GABRA4: variants seen among roughly 807,000 people sequenced by gnomAD.
The protein encoded by GABRA4 is gamma-aminobutyric acid receptor subunit alpha-4.
Under a neutral mutation model 49.7 loss-of-function variants are expected in GABRA4, and 12 were observed. The ratio of observed to expected loss-of-function variants is 0.24; its 90% CI spans 0.15 to 0.39. The LOEUF (loss-of-function observed/expected upper bound fraction) is 0.39, where lower values mean the gene tolerates loss of function less well. Ranked by LOEUF, GABRA4 falls within the 10% of genes least tolerant of loss-of-function variation. The pLI, the probability that GABRA4 is intolerant of heterozygous loss-of-function variation, is 1.00. For missense variants in GABRA4, 506 were observed against 686.0 expected (o/e 0.74, Z 2.93); for synonymous variants, 288 against 240.2 (o/e 1.20, Z -1.84).
intron 8 of GABRA4, among the ~76,000 whole-genome samples, chr4:46,950,828 C>A (rs1183177747): frequency 6.6e-6 from 1 of 151,964 alleles, no homozygotes; most frequent in African/African-American, 2.4e-5. Context: ...CGTTTTTACT[C>A]CTTCAAAGCA....
intron 6 of GABRA4, among the ~76,000 whole-genome samples, chr4:46,972,835 C>T (rs553124205): frequency 2.6e-5 from 4 of 151,710 alleles, no homozygotes; most frequent in Non-Finnish European, 5.9e-5. Context: ...ATCATCCCTT[C>T]ACAACACTGC....
At chr4:46,931,617 T>C (rs542979092) in intron 8 of GABRA4, among the ~76,000 whole-genome samples, 2 of 152,186 alleles carry the variant, frequency 1.3e-5, no homozygotes, top group East Asian at 3.9e-4. Context: ...AGAGTTGGAG[T>C]CTATTTTTCC....
intron 8 of GABRA4, among the ~76,000 whole-genome samples, chr4:46,956,776 A>T (rs1246443862): frequency 6.6e-6 from 1 of 152,164 alleles, no homozygotes; most frequent in Non-Finnish European, 1.5e-5. Flanking sequence ...CTGGGGAAAA[A>T]TATATTACTT....
At chr4:46,969,601 T>C (rs1212501692) in intron 7 of GABRA4, among the ~76,000 whole-genome samples, 1 of 151,522 alleles carries the variant, frequency 6.6e-6, no homozygotes, top group East Asian at 1.9e-4. Context: ...CTATCTTCCT[T>C]AGATAAGAGA....
At chr4:46,956,211 A>C (rs1722355275) in intron 8 of GABRA4, among the ~76,000 whole-genome samples, 1 of 152,080 alleles carries the variant, frequency 6.6e-6, no homozygotes, top group Non-Finnish European at 1.5e-5. Flanking sequence ...TTATTTATAT[A>C]AAATTTAAAG....
rs180950691 is a variant in GABRA4, at chr4:46,948,918, T to C, written c.1134+16052A>G. On this transcript the variant is annotated intron_variant, in intron 8 of 8. Transcript: ENST00000264318. ...TACTTGCTTCAGCCCCAAATTTTACTCCTTTCCATATATTTTCTTTTCCTA... is the reference window on the plus strand; with the variant it reads ...TACTTGCTTCAGCCCCAAATTTTACCCCTTTCCATATATTTTCTTTTCCTA... Among the ~76,000 whole-genome samples the C allele has an allele frequency of 2.6e-5, 4 of 152,236 alleles. No individual in the cohort carries two copies. In the East Asian group the frequency reaches 7.7e-4, roughly 29 times the overall value.
chr4:46,942,932 A>G (rs1403198348), intron 8 of GABRA4, among the ~76,000 whole-genome samples: 2 of 152,056 alleles, frequency 1.3e-5, no homozygotes, highest in Non-Finnish European at 2.9e-5. Context: ...AATTTTTTCT[A>G]ACATCTAGAC....
chr4:46,962,541 T>A (rs1229914208), intron 8 of GABRA4, among the ~76,000 whole-genome samples: 1 of 151,782 alleles, frequency 6.6e-6, no homozygotes, highest in African/African-American at 2.4e-5. Context: ...CCAAAAGCAA[T>A]CTACAGGTTC....
intron 6 of GABRA4, among the ~76,000 whole-genome samples, chr4:46,971,962 G>A (rs1234207218): frequency 6.6e-6 from 1 of 150,824 alleles, no homozygotes; most frequent in Non-Finnish European, 1.5e-5. Flanking sequence ...CTGTTGATAA[G>A]TGTTTTTACT....
At position 46,976,830 on chromosome 4, in the gene GABRA4, G is replaced by A. The variant is rs145664510; in HGVS notation, c.577+231C>T. On this transcript the variant is annotated intron_variant, in intron 5 of 8. Transcript: ENST00000264318. Reference sequence around the variant, plus strand: ...CTGATCACCAGCCAATTGTGACTAAGACTACTTAGATTATCTGTATAAATA... The same window carrying A: ...CTGATCACCAGCCAATTGTGACTAAAACTACTTAGATTATCTGTATAAATA... Among the ~76,000 whole-genome samples the A allele has an allele frequency of 5.0e-3, 762 of 151,974 alleles. 3 individuals are homozygous for A. The highest frequency in any genetic ancestry group is 0.017 in the African/African-American group (706 of 41,500).
In GABRA4 at chr4:46,928,623, C is replaced by T; in HGVS notation, c.1267G>A (p.Gly423Ser). 1 of 1,613,678 alleles carries T rather than the reference C, an allele frequency of 6.2e-7. No homozygotes were observed. Among genetic ancestry groups the T allele is most frequent in the Non-Finnish European group, 8.5e-7 (1 of 1,179,764 alleles). ...GAAGCTAAGTAAGACCGAGGTGTGCCTTTAGAAGATTCTTGAACAACTGTG... is the reference window on the plus strand; with the variant it reads ...GAAGCTAAGTAAGACCGAGGTGTGCTTTTAGAAGATTCTTGAACAACTGTG... The part of the protein sequence containing the change: ...SSTVVQESSK[G>S]TPRSYLASSP... The change falls in exon 9 of 9, where the codon GGC becomes AGC. Residue 423 changes from glycine (G) to serine (S), a missense_variant. Physicochemically the swap from Gly to Ser is moderately conservative, Grantham distance 56. Transcript: ENST00000264318.
At chr4:46,941,856 G>C (rs143245362) in intron 8 of GABRA4, among the ~76,000 whole-genome samples, 2 of 152,076 alleles carry the variant, frequency 1.3e-5, no homozygotes, top group Non-Finnish European at 2.9e-5. Flanking sequence ...GGTTTAAAAG[G>C]CTTAAAAGGT....
At position 46,944,468 on chromosome 4, in the gene GABRA4, G is replaced by A. The variant is rs1451336337; in HGVS notation, c.1135-15713C>T. ...TCTTTTCCTTCTCACTTCCCTCACAGTGCTTCTTGAGAACACCTTAAAAAT... is the reference window on the plus strand; with the variant it reads ...TCTTTTCCTTCTCACTTCCCTCACAATGCTTCTTGAGAACACCTTAAAAAT... On this transcript the variant is annotated intron_variant, in intron 8 of 8. Coordinates refer to ENST00000264318, the MANE Select transcript of GABRA4 (RefSeq NM_000809.4). Among the ~76,000 whole-genome samples the A allele has an allele frequency of 4.6e-5, 7 of 152,110 alleles. No homozygotes were observed. The East Asian group carries it at 1.4e-3, about 30-fold the overall frequency.
At chr4:46,971,057 A>C in intron 7 of GABRA4, 26 bp downstream of exon 7, 1 of 1,593,362 alleles carries the variant, frequency 6.3e-7, no homozygotes. Flanking sequence ...GTGAACAAAA[A>C]CGCCCAAGAA....
In GABRA4 at chr4:46,928,464, G is replaced by A. The variant is rs753789948; in HGVS notation, c.1426C>T (p.Arg476Cys). 7 of 1,613,566 alleles carry A rather than the reference G, an allele frequency of 4.3e-6. No homozygotes were observed. Among genetic ancestry groups the A allele is most frequent in the South Asian group, 2.2e-5 (2 of 91,084 alleles). Residue 476 changes from arginine to cysteine, a missense_variant, in exon 9 of 9, where the codon CGT becomes TGT. Physicochemically the swap from Arg to Cys is radical, Grantham distance 180. Around this residue, in one of 5 missense-constraint regions of GABRA4, gnomAD observed 243 missense variants for 210.8 expected, o/e 1.15. Transcript: ENST00000264318. The part of the protein sequence containing the change: ...RKASVGSAST[R>C]HVFGSRLQRI... The stretch of plus-strand genomic sequence containing the variant: ...TGCAGTCTTGATCCAAACACGTGAC[G>A]AGTAGAAGCAGATCCAACTGAAGCC...
At chr4:46,942,541 C>T (rs918101811) in intron 8 of GABRA4, among the ~76,000 whole-genome samples, 1 of 151,088 alleles carries the variant, frequency 6.6e-6, no homozygotes, top group African/African-American at 2.4e-5. Context: ...ATGAGAATTG[C>T]TTGAACGCGG....
chr4:46,928,763 G>C lies in GABRA4; in HGVS notation c.1135-8C>G. On this transcript the variant is annotated splice_polypyrimidine_tract_variant and splice_region_variant and intron_variant, in intron 8 of 8. Transcript: ENST00000264318. ...CAAATTGGCATTTGTATTCTGAAAA[G>C]GTATATGAAAAAATATATTGGTTAT... 6.3e-7 allele frequency: 1 copy of C among 1,577,898 alleles called. No individual in the cohort carries two copies. The highest frequency in any genetic ancestry group is 8.7e-7 in the Non-Finnish European group (1 of 1,155,074).
intron 2 of GABRA4, among the ~76,000 whole-genome samples, chr4:46,986,044 G>A (rs964876056): frequency 4.0e-5 from 6 of 151,588 alleles, no homozygotes; most frequent in Non-Finnish European, 7.4e-5. Flanking sequence ...ATCTATCAAC[G>A]GTACCTCTGA....
rs905748349 is a variant in GABRA4 at position 46,922,982 on chromosome 4, C to G, written c.*5243G>C. The G allele has an allele frequency of 2.2e-4, 33 of 152,044 alleles. No individual in the cohort carries two copies. Among genetic ancestry groups the G allele is most frequent in the African/African-American group, 8.0e-4 (33 of 41,388 alleles). The allele number at this position is 152,044 out of a possible 1,614,324, so 9.4% of individuals were successfully genotyped here. ...TGAGCTCTGCCTCCTGTCAGATTAG[C>G]GGCGGCATTAGATTCTCATAGGAGG... On this transcript the variant is annotated 3_prime_UTR_variant, in exon 9 of 9. Transcript: ENST00000264318.
Sources: gnomAD v4.1 joint callset for allele counts (sites outside exome capture counted in the v4.1 genomes callset) on GRCh38, gnomAD v4.1.1 for gene constraint, gnomAD v4.1.1 regional missense constraint, MANE v1.5 for transcripts, NCBI Gene and HGNC (gene_info 2026-07-23, HGNC 2026-07-21) for gene names.